CGNL1: variants seen among roughly 807,000 people sequenced by gnomAD.
The protein encoded by CGNL1 is cingulin-like protein 1.
Under a neutral mutation model 141.2 loss-of-function variants are expected in CGNL1, and 132 were observed. The ratio of observed to expected loss-of-function variants is 0.93; its 90% CI spans 0.81 to 1.08. The LOEUF (loss-of-function observed/expected upper bound fraction) is 1.08, where lower values mean the gene tolerates loss of function less well. Among genes scored for constraint, CGNL1 ranks in the 50% least tolerant of loss-of-function variants. The pLI is 0.00. For synonymous variants in CGNL1, 690 were observed against 622.1 expected, an observed-to-expected ratio of 1.11 and a Z score of -1.63; for missense variants, 1,870 against 1,588.6, an observed-to-expected ratio of 1.18 and a Z score of -3.01.
intron 7 of CGNL1, among the ~76,000 whole-genome samples, chr15:57,460,125 A>G (rs750646988): frequency 4.6e-5 from 7 of 152,240 alleles, no homozygotes; most frequent in African/African-American, 1.7e-4. Flanking sequence ...AAGAAGAAAC[A>G]GCCTGAGGGA....
At chr15:57,453,643 G>A (rs1223891436) in intron 6 of CGNL1, 40 bp from the exon 7 acceptor site, 1 of 1,610,348 alleles carries the variant, frequency 6.2e-7, no homozygotes, top group East Asian at 2.2e-5. Flanking sequence ...AATAAGCAGA[G>A]CCCAGAAGAG....
At chr15:57,472,097 G>A (rs562271584) in intron 8 of CGNL1, among the ~76,000 whole-genome samples, 8 of 152,058 alleles carry the variant, frequency 5.3e-5, no homozygotes, top group Non-Finnish European at 8.8e-5. Context: ...ATATATACAT[G>A]TGTAATTCAG....
intron 1 of CGNL1, among the ~76,000 whole-genome samples, chr15:57,397,652 G>C (rs181707630): frequency 8.5e-5 from 13 of 152,214 alleles, no homozygotes; most frequent in Admixed American, 3.3e-4. Context: ...TTTAATTGTA[G>C]GGTATAGATT....
rs77708667 is a variant in CGNL1, at chr15:57,500,507, G to A, written c.2404-16273G>A. On this transcript the variant is annotated intron_variant, in intron 8 of 18. Transcript: ENST00000281282. ...TGGAAAATGAGAGGCTAGAACGAAC[G>A]TCAGGCCCCTCCTGAGCTGGAATTC... Among the ~76,000 whole-genome samples the A allele has an allele frequency of 8.5e-5, 13 of 152,304 alleles. No homozygotes were observed. The East Asian group carries it at 9.6e-4, about 11-fold the overall frequency.
At chr15:57,454,365 C>G (rs1238186471) in intron 7 of CGNL1, among the ~76,000 whole-genome samples, 1 of 152,178 alleles carries the variant, frequency 6.6e-6, no homozygotes, top group Non-Finnish European at 1.5e-5. Context: ...TTTTCTACTT[C>G]CTCCCTCTTT....
intron 1 of CGNL1, among the ~76,000 whole-genome samples, chr15:57,433,488 G>A (rs1255113676): frequency 6.6e-6 from 1 of 152,196 alleles, no homozygotes; most frequent in Non-Finnish European, 1.5e-5. Context: ...GCTGGCTGAG[G>A]GTTAGACCCC....
intron 8 of CGNL1, among the ~76,000 whole-genome samples, chr15:57,499,392 C>T (rs564163239): frequency 1.3e-5 from 2 of 151,886 alleles, no homozygotes; most frequent in Non-Finnish European, 2.9e-5. Flanking sequence ...CTTGTGCCAC[C>T]ACACCTGGCT....
intron 8 of CGNL1, among the ~76,000 whole-genome samples, chr15:57,467,024 T>C (rs958271169): frequency 2.0e-5 from 3 of 151,880 alleles, no homozygotes; most frequent in African/African-American, 7.3e-5. Context: ...GTTGAAGACA[T>C]GTGAGATACT....
chr15:57,420,549 A>T lies in CGNL1; in HGVS notation c.-15-17436A>T, dbSNP rs149857250. Among the ~76,000 whole-genome samples, 377 of 152,278 alleles carry T rather than the reference A, an allele frequency of 2.5e-3. 10 individuals are homozygous for T. In the East Asian group the frequency reaches 0.053, roughly 21 times the overall value. Reference sequence around the variant, plus strand: ...ACTTAATTGTTCAATTCCACTATACACATATAGTGGTTTCGGAATCGTTAA... The same window carrying T: ...ACTTAATTGTTCAATTCCACTATACTCATATAGTGGTTTCGGAATCGTTAA... On this transcript the variant is annotated intron_variant, in intron 1 of 18. Transcript: ENST00000281282.
chr15:57,464,207 G>C (rs1237317620), intron 8 of CGNL1, among the ~76,000 whole-genome samples: 1 of 152,058 alleles, frequency 6.6e-6, no homozygotes, highest in Non-Finnish European at 1.5e-5. Context: ...AAGCTGGCTG[G>C]AGGGCATGTC....
intron 8 of CGNL1, among the ~76,000 whole-genome samples, chr15:57,498,520 A>G (rs916017372): frequency 8.6e-5 from 13 of 151,584 alleles, no homozygotes; most frequent in South Asian, 2.1e-4. Flanking sequence ...TTGTTTGTTT[A>G]TTTGTTTTTT....
chr15:57,444,320 T>G (rs1355333083), intron 4 of CGNL1, among the ~76,000 whole-genome samples: 1 of 152,194 alleles, frequency 6.6e-6, no homozygotes, highest in Non-Finnish European at 1.5e-5. Flanking sequence ...CTGTATAACA[T>G]AGTGTGTATT....
At chr15:57,408,257 G>GT (rs1258159556) in intron 1 of CGNL1, among the ~76,000 whole-genome samples, 2 of 152,036 alleles carry the variant, frequency 1.3e-5, no homozygotes, top group Non-Finnish European at 2.9e-5. Flanking sequence ...TTTTGGTAAA[G>GT]GGAAAACAGA....
At chr15:57,482,959 G>C (rs1252574691) in intron 8 of CGNL1, among the ~76,000 whole-genome samples, 1 of 151,978 alleles carries the variant, frequency 6.6e-6, no homozygotes, top group Non-Finnish European at 1.5e-5. Flanking sequence ...TAATTTTTTT[G>C]TATTTTTAAT....
chr15:57,393,406 A>G (rs2062564589), intron 1 of CGNL1, among the ~76,000 whole-genome samples: 1 of 152,124 alleles, frequency 6.6e-6, no homozygotes, highest in Non-Finnish European at 1.5e-5. Flanking sequence ...CTGCAGGGTG[A>G]AGAGTTTGTG....
At chr15:57,519,989 T>C (rs1404979239) in intron 10 of CGNL1, among the ~76,000 whole-genome samples, 2 of 152,190 alleles carry the variant, frequency 1.3e-5, no homozygotes, top group East Asian at 1.9e-4. Context: ...AAGATCTTAA[T>C]GTAATCCCCA....
At chr15:57,428,301 C>A (rs1178810740) in intron 1 of CGNL1, among the ~76,000 whole-genome samples, 11 of 152,178 alleles carry the variant, frequency 7.2e-5, no homozygotes, top group African/African-American at 2.7e-4. Context: ...GAGTGCAGGT[C>A]TTAGAGACAA....
intron 8 of CGNL1, among the ~76,000 whole-genome samples, chr15:57,504,393 G>C (rs1015504567): frequency 6.6e-6 from 1 of 152,166 alleles, no homozygotes; most frequent in Non-Finnish European, 1.5e-5. Flanking sequence ...CTCTTTCCTT[G>C]TTACAGCCCC....
At chr15:57,453,486 A>G (rs1310248501) in intron 6 of CGNL1, among the ~76,000 whole-genome samples, 197 bp from the exon 7 acceptor site, 3 of 152,160 alleles carry the variant, frequency 2.0e-5, no homozygotes, top group African/African-American at 4.8e-5. Flanking sequence ...ATCCTCTTGT[A>G]AGCAATTAGA....
Sources: gnomAD v4.1 joint callset for allele counts (sites outside exome capture counted in the v4.1 genomes callset) on GRCh38, gnomAD v4.1.1 for gene constraint, MANE v1.5 for transcripts, NCBI Gene and HGNC (gene_info 2026-07-23, HGNC 2026-07-21) for gene names.